The following BAZ1A variants were observed in gnomAD, a reference collection of about 807,000 sequenced individuals.
BAZ1A encodes the protein bromodomain adjacent to zinc finger domain protein 1A.
In BAZ1A, 50 loss-of-function variants were observed where a neutral mutation model predicts 185.2. The observed-to-expected ratio is 0.27, with a 90% CI of 0.22 to 0.34. BAZ1A has a LOEUF of 0.34. Among genes scored for constraint, BAZ1A ranks in the 10% least tolerant of loss-of-function variants. BAZ1A has a pLI of 1.00. For missense variants in BAZ1A, 1,356 were observed against 1,839.9 expected (o/e 0.74, Z 4.81); for synonymous variants, 571 against 615.6 (o/e 0.93, Z 1.07).
At chr14:34,801,905 CAA>C (rs375668563) in intron 7 of BAZ1A, among the ~76,000 whole-genome samples, 26 of 113,154 alleles carry the variant, frequency 2.3e-4, no homozygotes, top group Non-Finnish European at 3.1e-4. Context: ...GACTCCATCT[CAA>C]AAAAAAAAAA....
intron 23 of BAZ1A, 96 bp from the exon 24 acceptor site, chr14:34,762,319 T>C: frequency 1.6e-6 from 2 of 1,212,604 alleles, no homozygotes; most frequent in Non-Finnish European, 1.2e-6. Context: ...AATGAGTTTA[T>C]ACAAATTTTC....
At chr14:34,872,488 G>A (rs113320948) in intron 2 of BAZ1A, among the ~76,000 whole-genome samples, 144 of 74,422 alleles carry the variant, frequency 1.9e-3, no homozygotes, top group African/African-American at 5.5e-3. Flanking sequence ...ACACTCAGGA[G>A]GCTAAGGTGG....
chr14:34,786,122 A>G lies in BAZ1A; in HGVS notation c.1606+4T>C, dbSNP rs766543864. On this transcript the variant is annotated splice_donor_region_variant and intron_variant, in intron 13 of 26. Coordinates refer to ENST00000360310, the MANE Select transcript of BAZ1A (RefSeq NM_013448.3). Reference sequence around the variant, plus strand: ...AACAAAAAAAAAACAAAACCCACACATACCCTGGTGTAACTGTGGCCATGC... The same window carrying G: ...AACAAAAAAAAAACAAAACCCACACGTACCCTGGTGTAACTGTGGCCATGC... 16 of 1,595,190 alleles carry G rather than the reference A, an allele frequency of 1.0e-5. No individual in the cohort carries two copies. In the South Asian group the frequency reaches 1.9e-4, roughly 19 times the overall value.
In BAZ1A at chr14:34,753,690, C is replaced by A; in HGVS notation, c.4489G>T (p.Asp1497Tyr). The A allele has an allele frequency of 6.3e-7, 1 of 1,576,780 alleles. No individual in the cohort carries two copies. Among genetic ancestry groups the A allele is most frequent in the South Asian group, 1.2e-5 (1 of 86,112 alleles). ...EYKLASEFID[D>Y]IELMFSNCFE... ...CAGTTCGAAAACATTAACTCAATGT[C>A]ATCAATAAACTCAGCTAGAAAGGGA... Residue 1497 changes from aspartate to tyrosine, a missense_variant, in exon 27 of 27, where the codon GAC (aspartate) becomes TAC (tyrosine). By Grantham distance (160) the Asp-to-Tyr change is radical. This residue lies in a region of BAZ1A where 61 missense variants were observed against 117.9 expected (regional missense o/e 0.52). Transcript: ENST00000360310.
Position 34,875,169 on chromosome 14 carries a change from T to G in BAZ1A, c.-90A>C, listed in dbSNP as rs776650476. The G allele has an allele frequency of 2.3e-6, 1 of 431,494 alleles. No homozygotes were observed. The highest frequency in any genetic ancestry group is 1.6e-5 in the South Asian group (1 of 62,588). 26.7% of individuals were successfully genotyped at this position (431,494 alleles called of 1,614,324 possible). On this transcript the variant is annotated 5_prime_UTR_variant, in exon 1 of 27. Transcript: ENST00000360310. ...TCACGCCGACTGCCACTTGTCCACC[T>G]TCTCCACTACAAAGGCAACGAGGGG...
chr14:34,794,585 G>A (rs955975709), intron 11 of BAZ1A, among the ~76,000 whole-genome samples, 164 bp downstream of exon 11: 4 of 152,184 alleles, frequency 2.6e-5, no homozygotes, highest in South Asian at 2.1e-4. Context: ...GAAGAGGACC[G>A]AGGCACCAGA....
intron 14 of BAZ1A, among the ~76,000 whole-genome samples, chr14:34,784,642 C>T (rs1166499336): frequency 6.6e-5 from 10 of 150,920 alleles, no homozygotes; most frequent in East Asian, 2.0e-4. Context: ...CTCAGCCTCC[C>T]GAGTAGCTGG....
chr14:34,860,405 G>A (rs2042748432), intron 3 of BAZ1A, among the ~76,000 whole-genome samples: 1 of 151,844 alleles, frequency 6.6e-6, no homozygotes, highest in Non-Finnish European at 1.5e-5. Flanking sequence ...CTACTCAGGA[G>A]GCTGAGGTGG....
intron 4 of BAZ1A, among the ~76,000 whole-genome samples, chr14:34,819,420 C>A (rs2042053865): frequency 6.6e-6 from 1 of 152,082 alleles, no homozygotes; most frequent in African/African-American, 2.4e-5. Flanking sequence ...CATAGCTGTG[C>A]CTTTTCCAGA....
rs984697798 is a variant in BAZ1A at position 34,802,988 on chromosome 14, C to G, written c.727G>C (p.Ala243Pro). ...EPQDGVIKIK[A>P]SSLSTYKIAE... The stretch of plus-strand genomic sequence containing the variant: ...ATTTTATACGTTGAAAGAGATGATG[C>G]CTTAATAAAACAAAGACATAGGGTA... Residue 243 changes from alanine (A) to proline (P), a missense_variant and splice_region_variant, in exon 7 of 27, where the codon GCA becomes CCA. This residue lies in a region of BAZ1A where 332 missense variants were observed against 395.3 expected (regional missense o/e 0.84). Coordinates refer to ENST00000360310, the MANE Select transcript of BAZ1A (RefSeq NM_013448.3). 6 of 1,608,538 alleles carry G rather than the reference C, an allele frequency of 3.7e-6. No individual in the cohort carries two copies. The highest frequency in any genetic ancestry group is 2.2e-5 in the East Asian group (1 of 44,814).
intron 3 of BAZ1A, among the ~76,000 whole-genome samples, chr14:34,848,691 G>A (rs1229105937): frequency 6.6e-6 from 1 of 152,054 alleles, no homozygotes; most frequent in Non-Finnish European, 1.5e-5. Context: ...CACATATATT[G>A]AACAATAATC....
Position 34,874,415 on chromosome 14 carries a change from A to G in BAZ1A, c.113+77T>C, listed in dbSNP as rs1232188919. 1.6e-5 allele frequency: 22 copies of G among 1,377,310 alleles called. No homozygotes were observed. The East Asian group carries it at 4.8e-4, about 30-fold the overall frequency. The allele number at this position is 1,377,310 out of a possible 1,614,324, so 85.3% of individuals were successfully genotyped here. A position where few individuals can be genotyped will look rare whatever the true frequency, so the allele number is the denominator to read the frequency against. The stretch of plus-strand genomic sequence containing the variant: ...GCCCCGCCAGAAGCCCAGGGCGAGG[A>G]AAAGGAGAGAGACAAAAGAGCGCTG... On this transcript the variant is annotated intron_variant, in intron 2 of 26. Transcript: ENST00000360310. The surrounding 1 kb of genome is among the most constrained non-coding windows in gnomAD (Gnocchi z 4.7).
At chr14:34,851,730 G>C (rs1228746636) in intron 3 of BAZ1A, among the ~76,000 whole-genome samples, 2 of 152,090 alleles carry the variant, frequency 1.3e-5, no homozygotes, top group Non-Finnish European at 2.9e-5. Context: ...AAGGTGGGAG[G>C]GAGGATCCCT....
rs1879811663 is a variant in BAZ1A at position 34,778,464 on chromosome 14, T to C, written c.2236+1722A>G. Reference sequence around the variant, plus strand: ...TATTTCTTTTGCTTGAAAGAGTTTGTGTAAGATTGGAATTATCTGCTTTTT... The same window carrying C: ...TATTTCTTTTGCTTGAAAGAGTTTGCGTAAGATTGGAATTATCTGCTTTTT... On this transcript the variant is annotated intron_variant, in intron 17 of 26. Transcript: ENST00000360310. Among the ~76,000 whole-genome samples the C allele has an allele frequency of 2.0e-5, 3 of 152,226 alleles. No individual in the cohort carries two copies. In the South Asian group the frequency reaches 6.2e-4, roughly 31 times the overall value.
At position 34,874,562 on chromosome 14, in the gene BAZ1A, G is replaced by C; in HGVS notation, c.43C>G (p.Pro15Ala). 6.2e-7 allele frequency: 1 copy of C among 1,611,836 alleles called. No individual in the cohort carries two copies. Among genetic ancestry groups the C allele is most frequent in the Non-Finnish European group, 8.5e-7 (1 of 1,179,078 alleles). ...HRKPFVRQKPPADLRPDEEVF... is the reference protein window; with the variant it reads ...HRKPFVRQKPAADLRPDEEVF... ...TCCTCGTCGGGCCGCAGGTCCGCGG[G>C]CGGCTTCTGTCTCACAAACGGCTTT... is the stretch of plus-strand genomic sequence containing the variant. The change falls in exon 2 of 27, where the codon CCC becomes GCC. Residue 15 changes from proline to alanine, a missense_variant. Physicochemically the swap from Pro to Ala is conservative, Grantham distance 27. This residue lies in a region of BAZ1A where 332 missense variants were observed against 395.3 expected (regional missense o/e 0.84). Transcript: ENST00000360310. This position sits in a 1 kb window ranked among gnomAD's most constrained non-coding sequence, Gnocchi z 4.7.
At chr14:34,794,303 G>A (rs564449740) in intron 11 of BAZ1A, among the ~76,000 whole-genome samples, 1 of 152,038 alleles carries the variant, frequency 6.6e-6, no homozygotes, top group Admixed American at 6.6e-5. Flanking sequence ...AAGTACACAG[G>A]CCAAAGAGAA....
chr14:34,854,622 C>G (rs1436368595), intron 3 of BAZ1A, among the ~76,000 whole-genome samples: 8 of 152,166 alleles, frequency 5.3e-5, no homozygotes, highest in Non-Finnish European at 1.0e-4. Context: ...ACAATACACA[C>G]ATACATACAT....
chr14:34,790,867 G>C (rs1227003716), intron 12 of BAZ1A, among the ~76,000 whole-genome samples: 2 of 152,172 alleles, frequency 1.3e-5, no homozygotes, highest in Admixed American at 1.3e-4. Context: ...TCTCAAGCTT[G>C]TAATCCCAGC....
chr14:34,871,598 T>C (rs1037769460), intron 2 of BAZ1A, among the ~76,000 whole-genome samples: 21 of 152,200 alleles, frequency 1.4e-4, no homozygotes, highest in Admixed American at 4.6e-4. Flanking sequence ...ACAGGCCAAG[T>C]GCGGTGGCTC....
Sources: allele counts gnomAD v4.1 joint callset (sites outside exome capture counted in the v4.1 genomes callset), GRCh38; gene constraint gnomAD v4.1.1; regional missense constraint gnomAD v4.1.1; non-coding constraint Gnocchi (gnomAD v3.1); transcripts MANE v1.5; gene names NCBI Gene and HGNC (gene_info 2026-07-23, HGNC 2026-07-21).